The following LTO1 variants were observed in gnomAD, a reference collection of about 807,000 sequenced individuals.
LTO1 encodes the protein LTO1 maturation factor of ABCE1.
Under a neutral mutation model 19.8 loss-of-function variants are expected in LTO1, and 18 were observed. The observed-to-expected ratio is 0.91, with a 90% CI of 0.63 to 1.35. The LOEUF is 1.35. LTO1 is among the 40% of genes most tolerant of loss of function. LTO1 has a pLI of 0.00. For missense variants in LTO1, 175 were observed against 167.9 expected, an observed-to-expected ratio of 1.04 and a Z score of -0.23; for synonymous variants, 59 against 59.6, an observed-to-expected ratio of 0.99 and a Z score of 0.05.
rs531014931 is a variant in LTO1, at chr11:69,674,963, C to A, written c.50+227G>T. 2.9e-4 allele frequency: 201 copies of A among 692,256 alleles called. 1 individual carries two copies. In the African/African-American group the frequency reaches 3.2e-3, roughly 11 times the overall value. The allele number at this position is 692,256 out of a possible 1,614,324, so 42.9% of individuals were successfully genotyped here. ...TTTGGGGCAGCCCTGACAGGGAAGG[C>A]GGGTCTGGAAGAGCAGCTGGGCACG... On this transcript the variant is annotated intron_variant, in intron 1 of 4. Transcript: ENST00000279147.
At chr11:69,671,662 G>A in intron 3 of LTO1, 87 bp downstream of exon 3, 1 of 779,036 alleles carries the variant, frequency 1.3e-6, no homozygotes, top group Non-Finnish European at 2.3e-6. Context: ...GGAACAGACA[G>A]ATTGATTACT....
Position 69,675,218 on chromosome 11 carries a change from A to G in LTO1, c.22T>C (p.Phe8Leu), listed in dbSNP as rs1856173207. The G allele has an allele frequency of 1.9e-6, 3 of 1,541,932 alleles. No individual in the cohort carries two copies. Among genetic ancestry groups the G allele is most frequent in the African/African-American group, 2.8e-5 (2 of 71,722 alleles). MAGSQDIFDAIVMADERF... is the reference protein window; with the variant it reads MAGSQDILDAIVMADERF... ...TCATCCGCCATCACGATGGCATCGA[A>G]TATGTCCTGACTGCCAGCCATAGCG... is the stretch of plus-strand genomic sequence containing the variant. The change falls in exon 1 of 5, where the codon TTC becomes CTC. Residue 8 changes from phenylalanine (F) to leucine (L), a missense_variant. Physicochemically the swap from Phe to Leu is conservative, Grantham distance 22 (BLOSUM62 0). Transcript: ENST00000279147.
rs764243648 is a variant in LTO1, at chr11:69,673,250, T to A, written c.122A>T (p.His41Leu). 1.2e-6 allele frequency: 2 copies of A among 1,612,914 alleles called. No individual in the cohort carries two copies. The highest frequency in any genetic ancestry group is 2.2e-5 in the South Asian group (2 of 91,070). ...GATTTTGGCTCCATGCAGCGTGCCA[T>A]GCTGCCTTCCCTCCATCACACCCAA... ...SSLGVMEGRQ[H>L]GTLHGAKIGS... The change falls in exon 2 of 5, where the codon CAT (histidine) becomes CTT (leucine). Residue 41 changes from histidine (H) to leucine (L), a missense_variant. Transcript: ENST00000279147.
Position 69,675,293 on chromosome 11 carries a change from T to C in LTO1, c.-54A>G, listed in dbSNP as rs995680073. ...GGGTTTCTGCAGCCCCGCGGTGCCG[T>C]AGCAGACCCGGCAGCTTCAGGCACA... On this transcript the variant is annotated 5_prime_UTR_variant, in exon 1 of 5. Transcript: ENST00000279147. 2.6e-5 allele frequency: 36 copies of C among 1,373,060 alleles called. 2 individuals are homozygous for C. The highest frequency in any genetic ancestry group is 2.6e-4 in the South Asian group (17 of 66,216). The allele number at this position is 1,373,060 out of a possible 1,614,324, so 85.1% of individuals were successfully genotyped here.
intron 3 of LTO1, chr11:69,668,243 G>A (rs1044561119): frequency 6.5e-6 from 3 of 458,568 alleles, no homozygotes; most frequent in Non-Finnish European, 1.2e-5. Flanking sequence ...TTACAGACAC[G>A]CCTCCATTCC....
intron 1 of LTO1, among the ~76,000 whole-genome samples, chr11:69,674,358 G>A (rs1255751911): frequency 2.0e-5 from 3 of 152,192 alleles, no homozygotes; most frequent in Admixed American, 6.5e-5. Flanking sequence ...ACTGGTACCC[G>A]GAGTAGCACT....
intron 4 of LTO1, 135 bp from the exon 5 acceptor site, chr11:69,667,722 G>A (rs1856052625): frequency 2.7e-6 from 2 of 732,850 alleles, no homozygotes; most frequent in Non-Finnish European, 4.7e-6. Context: ...CCTTTTCTCT[G>A]GACTGTCTTC....
chr11:69,667,715 T>C, intron 4 of LTO1, 128 bp from the exon 5 acceptor site: 1 of 748,578 alleles, frequency 1.3e-6, no homozygotes, highest in East Asian at 2.6e-5. Flanking sequence ...TCTAACTCCT[T>C]TTCTCTGGAC....
chr11:69,665,688 T>C lies in LTO1; in HGVS notation c.*1831A>G, dbSNP rs1856023920. 6.6e-6 allele frequency: 1 copy of C among 152,148 alleles called. No individual in the cohort carries two copies. The highest frequency in any genetic ancestry group is 2.4e-5 in the African/African-American group (1 of 41,410). The allele number at this position is 152,148 out of a possible 1,614,324, so 9.4% of individuals were successfully genotyped here. On this transcript the variant is annotated 3_prime_UTR_variant, in exon 5 of 5. Coordinates refer to ENST00000279147, the MANE Select transcript of LTO1 (RefSeq NM_153451.3). ...ACAGCAAAGGCCCCTGATCCCACCATCTAGAAAGAACGAGAGTCTTTCTGG... is the reference window on the plus strand; with the variant it reads ...ACAGCAAAGGCCCCTGATCCCACCACCTAGAAAGAACGAGAGTCTTTCTGG...
Position 69,673,277 on chromosome 11 carries a change from C to G in LTO1, c.95G>C (p.Ser32Thr). The G allele has an allele frequency of 6.2e-7, 1 of 1,613,800 alleles. No individual in the cohort carries two copies. Among genetic ancestry groups the G allele is most frequent in the Non-Finnish European group, 8.5e-7 (1 of 1,179,666 alleles). The change falls in exon 2 of 5, where the codon AGT becomes ACT. Residue 32 changes from serine to threonine, a missense_variant. Physicochemically the swap from Ser to Thr is moderately conservative, Grantham distance 58 (BLOSUM62 1). Coordinates refer to ENST00000279147, the MANE Select transcript of LTO1 (RefSeq NM_153451.3). ...GYREGYEEGS[S>T]LGVMEGRQHG... ...CTGCCTTCCCTCCATCACACCCAAA[C>G]TACTGCCTTCTTCATAGCCTTCCCG...
At chr11:69,671,167 G>C (rs1856103781) in intron 3 of LTO1, among the ~76,000 whole-genome samples, 1 of 152,098 alleles carries the variant, frequency 6.6e-6, no homozygotes, top group South Asian at 2.1e-4. Flanking sequence ...CCAAAGTGCT[G>C]GGATTATAGG....
chr11:69,673,595 C>G (rs1292563860), intron 1 of LTO1, among the ~76,000 whole-genome samples: 1 of 151,906 alleles, frequency 6.6e-6, no homozygotes, highest in African/African-American at 2.4e-5. Flanking sequence ...ACTAGAAACA[C>G]ACAAGGAAAA....
chr11:69,670,243 G>C (rs1409987612), intron 3 of LTO1, among the ~76,000 whole-genome samples: 1 of 152,216 alleles, frequency 6.6e-6, no homozygotes, highest in Non-Finnish European at 1.5e-5. Flanking sequence ...CTGCTCTGGG[G>C]TAAGGGCTGG....
In LTO1 at chr11:69,667,907, T is replaced by C. The variant is rs946397293; in HGVS notation, c.333A>G (p.Gly111=). The C allele has an allele frequency of 6.7e-7, 1 of 1,498,474 alleles. No individual in the cohort carries two copies. The highest frequency in any genetic ancestry group is 9.3e-7 in the Non-Finnish European group (1 of 1,074,438). 92.8% of individuals were successfully genotyped at this position (1,498,474 alleles called of 1,614,324 possible). Residue 111 remains glycine (G), a synonymous_variant, in exon 4 of 5, where the codon GGA becomes GGG. Coordinates refer to ENST00000279147, the MANE Select transcript of LTO1 (RefSeq NM_153451.3). ...KLHEDLDKIR[G]KFKQFCSLLN... is the part of the protein sequence containing the mutation. ...ACAGTGCACGCACCTGTTTAAATTT[T>C]CCTCTGATCTTGTCTAAGTCTTCAT...
chr11:69,673,440 GCCTAAAAT>G, intron 1 of LTO1, 119 bp from the exon 2 acceptor site: 1 of 672,494 alleles, frequency 1.5e-6, no homozygotes, highest in Non-Finnish European at 2.6e-6. Flanking sequence ...AGGAGGAAAA[GCCTAAAAT>G]TCAAGTCAGA....
rs759829699 is a variant in LTO1, at chr11:69,666,708, G to A, written c.*811C>T. 5 of 152,200 alleles carry A rather than the reference G, an allele frequency of 3.3e-5. No individual in the cohort carries two copies. Among genetic ancestry groups the A allele is most frequent in the African/African-American group, 7.2e-5 (3 of 41,428 alleles). 9.4% of individuals were successfully genotyped at this position (152,200 alleles called of 1,614,324 possible). A position where few individuals can be genotyped will look rare whatever the true frequency, so the allele number is the denominator to read the frequency against. ...GCTGCAAAGCTCATCGCCCCTCTAG[G>A]GACAGTGCAAAGGATATGTCTGGGT... On this transcript the variant is annotated 3_prime_UTR_variant, in exon 5 of 5. Coordinates refer to ENST00000279147, the MANE Select transcript of LTO1 (RefSeq NM_153451.3).
rs1476463764 is a variant in LTO1 at position 69,666,436 on chromosome 11, G to A, written c.*1083C>T. On this transcript the variant is annotated 3_prime_UTR_variant, in exon 5 of 5. Transcript: ENST00000279147. ...TGGGGGGGTACACAGGAGGGTGTGT[G>A]AACACGTGCCATCACATATGACCAC... 6 of 152,354 alleles carry A rather than the reference G, an allele frequency of 3.9e-5. No homozygotes were observed. Among genetic ancestry groups the A allele is most frequent in the African/African-American group, 9.6e-5 (4 of 41,452 alleles). The allele number at this position is 152,354 out of a possible 1,614,324, so 9.4% of individuals were successfully genotyped here. A position where few individuals can be genotyped will look rare whatever the true frequency, so the allele number is the denominator to read the frequency against.
At chr11:69,672,108 A>G (rs1297075629) in intron 2 of LTO1, 2 of 390,220 alleles carry the variant, frequency 5.1e-6, no homozygotes, top group Non-Finnish European at 9.7e-6. Context: ...GTGGAGGAAC[A>G]GCACAAAGCT....
At position 69,675,287 on chromosome 11, in the gene LTO1, G is replaced by C; in HGVS notation, c.-48C>G. On this transcript the variant is annotated 5_prime_UTR_variant, in exon 1 of 5. Coordinates refer to ENST00000279147, the MANE Select transcript of LTO1 (RefSeq NM_153451.3). ...GCCCCCGGGTTTCTGCAGCCCCGCGGTGCCGTAGCAGACCCGGCAGCTTCA... is the reference window on the plus strand; with the variant it reads ...GCCCCCGGGTTTCTGCAGCCCCGCGCTGCCGTAGCAGACCCGGCAGCTTCA... The C allele has an allele frequency of 7.0e-7, 1 of 1,424,606 alleles. No individual in the cohort carries two copies. The highest frequency in any genetic ancestry group is 9.3e-7 in the Non-Finnish European group (1 of 1,073,664). The allele number at this position is 1,424,606 out of a possible 1,614,324, so 88.2% of individuals were successfully genotyped here.
Sources: allele counts gnomAD v4.1 joint callset (sites outside exome capture counted in the v4.1 genomes callset), GRCh38; gene constraint gnomAD v4.1.1; transcripts MANE v1.5; gene names NCBI Gene and HGNC (gene_info 2026-07-23, HGNC 2026-07-21).